TSPAN9: variants seen among roughly 807,000 people sequenced by gnomAD.
TSPAN9 encodes the protein tetraspanin 9.
In TSPAN9, 16 loss-of-function variants were observed where a neutral mutation model predicts 31.0. The observed-to-expected ratio is 0.52, with a 90% CI of 0.35 to 0.78. The LOEUF is 0.78. Among genes scored for constraint, TSPAN9 ranks in the 30% least tolerant of loss-of-function variants. The probability of loss-of-function intolerance (pLI) is 0.01; values close to 1 mark genes in which losing one functional copy is unlikely to be tolerated. For synonymous variants in TSPAN9, 145 were observed against 121.6 expected (o/e 1.19, Z -1.27); for missense variants, 272 against 312.5 (o/e 0.87, Z 0.98).
At chr12:3,110,422 G>T (rs1158168455) in intron 2 of TSPAN9, among the ~76,000 whole-genome samples, 1 of 152,184 alleles carries the variant, frequency 6.6e-6, no homozygotes, top group Non-Finnish European at 1.5e-5. Context: ...CTTTTCTCTT[G>T]ATTTAGTGAG....
chr12:3,083,014 C>A (rs902595813), intron 1 of TSPAN9, among the ~76,000 whole-genome samples: 1 of 152,244 alleles, frequency 6.6e-6, no homozygotes, highest in Non-Finnish European at 1.5e-5. Context: ...GCCTGGCTTT[C>A]TCCGGAGTCA....
chr12:3,192,966 A>G lies in TSPAN9; in HGVS notation c.-17-8211A>G, dbSNP rs2098365217. 6.6e-6 allele frequency among the ~76,000 whole-genome samples: 1 copy of G among 152,198 alleles called. No homozygotes were observed. The highest frequency in any genetic ancestry group is 1.5e-5 in the Non-Finnish European group (1 of 68,040). The stretch of plus-strand genomic sequence containing the variant: ...TGATAATAGTGCCTCCATCCATTGA[A>G]CAGCTTCTGTGTTCCCTCGTAACCT... On this transcript the variant is annotated intron_variant, in intron 2 of 8. Transcript: ENST00000011898. This position sits in a 1 kb window ranked among gnomAD's most constrained non-coding sequence, Gnocchi z 4.6.
At chr12:3,228,732 C>T (rs1459711605) in intron 3 of TSPAN9, among the ~76,000 whole-genome samples, 2 of 152,208 alleles carry the variant, frequency 1.3e-5, no homozygotes, top group South Asian at 2.1e-4. Context: ...CAGGGTGTGT[C>T]GGTTTTCTGG....
chr12:3,265,884 G>A (rs922710311), intron 3 of TSPAN9, among the ~76,000 whole-genome samples: 2 of 152,180 alleles, frequency 1.3e-5, no homozygotes, highest in African/African-American at 4.8e-5. Context: ...GCTTAGACAG[G>A]ATACTCAACC....
chr12:3,238,845 G>A (rs1027130412), intron 3 of TSPAN9, among the ~76,000 whole-genome samples: 1 of 152,224 alleles, frequency 6.6e-6, no homozygotes, highest in African/African-American at 2.4e-5. Context: ...TGCAGCATAC[G>A]TAGGTGGGTG....
In TSPAN9 at chr12:3,246,498, C is replaced by G. The variant is rs578097065; in HGVS notation, c.64-31923C>G. 6.6e-5 allele frequency among the ~76,000 whole-genome samples: 10 copies of G among 152,300 alleles called. No homozygotes were observed. The East Asian group carries it at 1.9e-3, about 30-fold the overall frequency. On this transcript the variant is annotated intron_variant, in intron 3 of 8. Coordinates refer to ENST00000011898, the MANE Select transcript of TSPAN9 (RefSeq NM_006675.5). ...TGTTTCCTTCCTGAGGATGCATCCT[C>G]TTTCCCTGGGCAGGGAAAGAGGCAG...
chr12:3,128,202 G>C (rs1274048009), intron 2 of TSPAN9, among the ~76,000 whole-genome samples: 1 of 152,170 alleles, frequency 6.6e-6, no homozygotes, highest in Non-Finnish European at 1.5e-5. Flanking sequence ...CTGTTCTCAA[G>C]TTGTTTGGGG....
At chr12:3,163,875 A>G (rs1041578008) in intron 2 of TSPAN9, among the ~76,000 whole-genome samples, 8 of 152,200 alleles carry the variant, frequency 5.3e-5, no homozygotes, top group African/African-American at 1.9e-4. Flanking sequence ...GCCTGTGGAT[A>G]TTAGAGACTC....
intron 3 of TSPAN9, among the ~76,000 whole-genome samples, chr12:3,276,416 T>A (rs1211550944): frequency 6.6e-6 from 1 of 152,210 alleles, no homozygotes; most frequent in East Asian, 1.9e-4. Context: ...TCCTACCATG[T>A]GTCACCTCAC....
chr12:3,242,678 G>T (rs7953798), intron 3 of TSPAN9, among the ~76,000 whole-genome samples: 11,480 of 152,306 alleles, frequency 0.075, 528 homozygotes, highest in Middle Eastern at 0.14. Context: ...GTCACCGGGC[G>T]TGACTCAGGC....
intron 3 of TSPAN9, among the ~76,000 whole-genome samples, chr12:3,235,768 T>C (rs1286568767): frequency 6.6e-6 from 1 of 152,198 alleles, no homozygotes; most frequent in East Asian, 1.9e-4. Context: ...AGCTGGACTG[T>C]GTGAGGGCTG....
At chr12:3,151,022 A>C (rs1317918648) in intron 2 of TSPAN9, 1 of 152,230 alleles carries the variant, frequency 6.6e-6, no homozygotes, top group Non-Finnish European at 1.5e-5. Context: ...AGCCAGGGAC[A>C]CAATTGGATT....
At chr12:3,219,105 C>A (rs1378316525) in intron 3 of TSPAN9, among the ~76,000 whole-genome samples, 1 of 152,214 alleles carries the variant, frequency 6.6e-6, no homozygotes, top group African/African-American at 2.4e-5. Context: ...CACCCGTGGG[C>A]GGCCGGGGGA....
At chr12:3,085,676 C>A (rs904644940) in intron 2 of TSPAN9, among the ~76,000 whole-genome samples, 2 of 152,180 alleles carry the variant, frequency 1.3e-5, no homozygotes, top group African/African-American at 4.8e-5. Flanking sequence ...TTTTCCTCAC[C>A]TACAAAGCGG....
chr12:3,213,720 T>G (rs2098379971), intron 3 of TSPAN9, among the ~76,000 whole-genome samples: 1 of 151,952 alleles, frequency 6.6e-6, no homozygotes. Context: ...CAAAAGCCAC[T>G]CCGTAGAGGG....
intron 2 of TSPAN9, among the ~76,000 whole-genome samples, chr12:3,094,158 G>A (rs58521566): frequency 2.0e-5 from 3 of 152,210 alleles, no homozygotes; most frequent in Admixed American, 6.5e-5. Flanking sequence ...GAGCCACCAC[G>A]CCCAGCCCAG....
intron 3 of TSPAN9, among the ~76,000 whole-genome samples, chr12:3,254,853 G>A (rs1862315928): frequency 6.6e-6 from 1 of 152,174 alleles, no homozygotes; most frequent in African/African-American, 2.4e-5. Flanking sequence ...CATGCACCAC[G>A]TATTTTCATG....
intron 2 of TSPAN9, among the ~76,000 whole-genome samples, chr12:3,131,899 G>C (rs1169995689): frequency 6.6e-6 from 1 of 152,092 alleles, no homozygotes. Context: ...TCATCACCCT[G>C]ACTATGAATC....
intron 3 of TSPAN9, among the ~76,000 whole-genome samples, chr12:3,253,128 C>T (rs546641785): frequency 1.1e-4 from 16 of 152,162 alleles, no homozygotes; most frequent in Admixed American, 5.2e-4. Flanking sequence ...GTGATCAACA[C>T]GTTCTGGGAT....
Sources: gnomAD v4.1 joint callset for allele counts (sites outside exome capture counted in the v4.1 genomes callset) on GRCh38, gnomAD v4.1.1 for gene constraint, Gnocchi (gnomAD v3.1) non-coding constraint, MANE v1.5 for transcripts, NCBI Gene and HGNC (gene_info 2026-07-23, HGNC 2026-07-21) for gene names.